PCDH15: variants seen among roughly 807,000 people sequenced by gnomAD.
The protein encoded by PCDH15 is protocadherin related 15, also known as protocadherin-15.
PCDH15 carries 129 observed loss-of-function variants against 178.5 expected under a neutral mutation model. The observed-to-expected ratio is 0.72, with a 90% CI of 0.63 to 0.84. The LOEUF is 0.84. PCDH15 is among the 40% of genes least tolerant of loss of function. PCDH15 has a pLI of 0.00. For synonymous variants in PCDH15, 800 were observed against 732.0 expected (o/e 1.09, Z -1.50); for missense variants, 2,230 against 2,099.9 (o/e 1.06, Z -1.21).
intron 20 of PCDH15, among the ~76,000 whole-genome samples, chr10:54,007,922 C>T (rs11003999): frequency 0.042 from 6,377 of 151,976 alleles, 167 homozygotes; most frequent in East Asian, 0.11. Context: ...GTAATTAGAC[C>T]AAGTATAGAC....
At chr10:55,231,887 T>C (rs1446416675) in intron 1 of PCDH15, among the ~76,000 whole-genome samples, 1 of 151,958 alleles carries the variant, frequency 6.6e-6, no homozygotes, top group East Asian at 1.9e-4. Context: ...AAAGAACAAG[T>C]AGAGGAATAA....
chr10:55,594,533 A>C (rs1842904348), intron 2 of PCDH15, among the ~76,000 whole-genome samples: 1 of 152,058 alleles, frequency 6.6e-6, no homozygotes, highest in Admixed American at 6.6e-5. Context: ...TAATTTAGAG[A>C]CATAAATATT....
intron 11 of PCDH15, among the ~76,000 whole-genome samples, chr10:54,185,850 T>G (rs2048430697): frequency 6.6e-6 from 1 of 152,084 alleles, no homozygotes; most frequent in African/African-American, 2.4e-5. Context: ...CATGTTTACT[T>G]TAATTAAAAT....
intron 23 of PCDH15, among the ~76,000 whole-genome samples, chr10:53,951,475 A>G (rs1277211579): frequency 6.6e-6 from 1 of 152,236 alleles, no homozygotes; most frequent in Non-Finnish European, 1.5e-5. Flanking sequence ...AGAAGGAAGA[A>G]TGATCACATG....
chr10:55,285,000 G>A lies in PCDH15; in HGVS notation c.-156+34599C>T, dbSNP rs546017736. Among the ~76,000 whole-genome samples, 23 of 151,574 alleles carry A rather than the reference G, an allele frequency of 1.5e-4. No individual in the cohort carries two copies. The South Asian group carries it at 3.3e-3, about 22-fold the overall frequency. ...AGAAAAAAGTAGGGGAAGTGAGATC[G>A]CTTCAAATTCTTATTTAGAGTATAT... On this transcript the variant is annotated intron_variant, in intron 1 of 5. Transcript: ENST00000458638.
At chr10:55,393,594 G>C (rs1320005233) in intron 2 of PCDH15, among the ~76,000 whole-genome samples, 1 of 152,066 alleles carries the variant, frequency 6.6e-6, no homozygotes, top group Non-Finnish European at 1.5e-5. Context: ...GGCCCATCTG[G>C]CATGGCACAA....
rs3926486 is a variant in PCDH15, at chr10:54,830,304, G to C, written c.-29+67146C>G. Among the ~76,000 whole-genome samples the C allele has an allele frequency of 3.7e-3, 560 of 152,044 alleles. 1 individual carries two copies. The highest frequency in any genetic ancestry group is 0.013 in the African/African-American group (538 of 41,462). ...GCACACGTATGTTTATTGTGGCACT[G>C]TTCACAATAGCAAAGACTTGGAACC... On this transcript the variant is annotated intron_variant, in intron 3 of 5. Transcript: ENST00000458638.
intron 1 of PCDH15, among the ~76,000 whole-genome samples, chr10:54,666,261 A>G (rs1246103271): frequency 6.6e-6 from 1 of 152,102 alleles, no homozygotes; most frequent in Non-Finnish European, 1.5e-5. Context: ...CAAGGGCTGG[A>G]AAGTAGATAT....
intron 13 of PCDH15, among the ~76,000 whole-genome samples, chr10:54,168,439 C>T (rs2046495320): frequency 6.6e-6 from 1 of 152,054 alleles, no homozygotes; most frequent in East Asian, 2.0e-4. Flanking sequence ...CAGGCTGCTC[C>T]TCGCCAGGCC....
chr10:54,159,059 A>C (rs143404243), intron 13 of PCDH15, among the ~76,000 whole-genome samples: 4,819 of 149,622 alleles, frequency 0.032, 119 homozygotes, highest in South Asian at 0.087. Context: ...CAGTGAGCCG[A>C]GATTGTGCCA....
intron 2 of PCDH15, among the ~76,000 whole-genome samples, chr10:55,377,646 T>C (rs192087109): frequency 1.9e-3 from 289 of 152,244 alleles, no homozygotes; most frequent in African/African-American, 6.6e-3. Flanking sequence ...TAGAGGCCTC[T>C]TTGATCATTA....
intron 15 of PCDH15, among the ~76,000 whole-genome samples, chr10:54,132,385 C>A (rs1410116014): frequency 6.6e-6 from 1 of 152,032 alleles, no homozygotes; most frequent in Non-Finnish European, 1.5e-5. Context: ...GAATAAAAAC[C>A]ACAGCAATTA....
intron 2 of PCDH15, among the ~76,000 whole-genome samples, chr10:55,410,344 A>AT (rs35743005): frequency 0.2 from 30,374 of 151,864 alleles, 4,025 homozygotes; most frequent in Non-Finnish European, 0.29. Context: ...ATCTTCATTA[A>AT]TTTTTTTTCC....
chr10:54,351,009 C>A (rs1345648342), intron 5 of PCDH15, among the ~76,000 whole-genome samples: 3 of 151,944 alleles, frequency 2.0e-5, no homozygotes, highest in Admixed American at 1.3e-4. Flanking sequence ...GAGGCTGAGG[C>A]AGGAGAATCC....
chr10:54,482,101 A>C (rs952547055), intron 3 of PCDH15, among the ~76,000 whole-genome samples: 32 of 151,870 alleles, frequency 2.1e-4, no homozygotes, highest in Non-Finnish European at 4.1e-4. Context: ...GAACTAACTG[A>C]TTTTTGGCAA....
intron 3 of PCDH15, among the ~76,000 whole-genome samples, chr10:54,857,857 T>C (rs1353378322): frequency 6.6e-6 from 1 of 152,200 alleles, no homozygotes; most frequent in Non-Finnish European, 1.5e-5. Context: ...AAAAATTATA[T>C]AAATGTATGG....
chr10:54,983,926 C>T (rs1179763901), intron 2 of PCDH15, among the ~76,000 whole-genome samples: 1 of 152,082 alleles, frequency 6.6e-6, no homozygotes. Context: ...AAGTACTCCA[C>T]ATTAGAAAGT....
intron 3 of PCDH15, among the ~76,000 whole-genome samples, chr10:54,887,622 T>C (rs999949331): frequency 6.6e-6 from 1 of 152,102 alleles, no homozygotes; most frequent in Non-Finnish European, 1.5e-5. Flanking sequence ...AATTATAAAC[T>C]ATTCTCTATT....
At chr10:54,961,420 T>TGGGAATAGGCAGGTTTTC (rs1838651673) in intron 2 of PCDH15, among the ~76,000 whole-genome samples, 2 of 152,152 alleles carry the variant, frequency 1.3e-5, no homozygotes, top group African/African-American at 4.8e-5. Flanking sequence ...GGCAGGTTTT[T>TGGGAATAGGCAGGTTTTC]AGGTGGGAAT....
Sources: allele counts gnomAD v4.1 joint callset (sites outside exome capture counted in the v4.1 genomes callset), GRCh38; gene constraint gnomAD v4.1.1; transcripts MANE v1.5; gene names NCBI Gene and HGNC (gene_info 2026-07-23, HGNC 2026-07-21).